Variants in ATP10D observed in about 807,000 individuals in gnomAD.
The protein encoded by ATP10D is phospholipid-transporting ATPase VD.
ATP10D carries 89 observed loss-of-function variants against 144.8 expected under a neutral mutation model. The ratio of observed to expected loss-of-function variants is 0.61; its 90% CI spans 0.52 to 0.73. The LOEUF (loss-of-function observed/expected upper bound fraction) is 0.73. ATP10D is among the 30% of genes least tolerant of loss of function. The pLI, the probability that ATP10D is intolerant of heterozygous loss-of-function variation, is 0.00. For missense variants in ATP10D, 1,603 were observed against 1,714.8 expected (o/e 0.93, Z 1.15); for synonymous variants, 571 against 615.1 (o/e 0.93, Z 1.06).
chr4:47,579,919 A>T (rs1011749801), intron 19 of ATP10D, among the ~76,000 whole-genome samples: 2 of 152,218 alleles, frequency 1.3e-5, no homozygotes, highest in African/African-American at 4.8e-5. Context: ...TAAATGGGAA[A>T]TGGGTTTAAA....
chr4:47,511,327 G>A (rs1489257394), intron 1 of ATP10D, among the ~76,000 whole-genome samples: 1 of 152,024 alleles, frequency 6.6e-6, no homozygotes, highest in African/African-American at 2.4e-5. Flanking sequence ...AACCGATGAG[G>A]CTGACATGAA....
At chr4:47,548,048 CTATTT>C (rs1472684234) in intron 10 of ATP10D, among the ~76,000 whole-genome samples, 5 of 152,034 alleles carry the variant, frequency 3.3e-5, no homozygotes, top group Non-Finnish European at 7.4e-5. Context: ...ATATTTTCTT[CTATTT>C]TATCTTTTTA....
chr4:47,539,294 G>A (rs910092010), intron 9 of ATP10D, among the ~76,000 whole-genome samples: 3 of 152,134 alleles, frequency 2.0e-5, no homozygotes, highest in African/African-American at 7.2e-5. Context: ...TAACCTGTGA[G>A]TGTAAGGGGT....
chr4:47,553,186 T>C (rs942439541), intron 10 of ATP10D, among the ~76,000 whole-genome samples: 6 of 152,220 alleles, frequency 3.9e-5, no homozygotes, highest in Admixed American at 1.3e-4. Flanking sequence ...CTATTGACTT[T>C]GGCAAGGAGG....
intron 16 of ATP10D, among the ~76,000 whole-genome samples, chr4:47,570,649 C>T (rs1000187872): frequency 1.4e-4 from 21 of 151,964 alleles, no homozygotes; most frequent in African/African-American, 2.7e-4. Context: ...ACTACAAACA[C>T]GAAACTTGGC....
intron 14 of ATP10D, among the ~76,000 whole-genome samples, 168 bp downstream of exon 14, chr4:47,561,243 C>T (rs1194210535): frequency 1.3e-5 from 2 of 152,120 alleles, no homozygotes; most frequent in Non-Finnish European, 1.5e-5. Context: ...TTCTGTTGTC[C>T]ACTGCAGTGA....
intron 1 of ATP10D, among the ~76,000 whole-genome samples, chr4:47,492,739 AAATT>A (rs1445233459): frequency 6.6e-6 from 1 of 152,158 alleles, no homozygotes; most frequent in Non-Finnish European, 1.5e-5. Context: ...TACATTTTCG[AAATT>A]AATTAAATCT....
At chr4:47,554,618 A>G (rs1444303170) in intron 10 of ATP10D, 108 bp from the exon 11 acceptor site, 9 of 838,966 alleles carry the variant, frequency 1.1e-5, no homozygotes, top group Non-Finnish European at 1.6e-5. Context: ...AAAGTTTACC[A>G]TCTCATGATT....
intron 18 of ATP10D, among the ~76,000 whole-genome samples, chr4:47,574,926 G>C (rs1283625400): frequency 6.6e-6 from 1 of 151,956 alleles, no homozygotes; most frequent in Non-Finnish European, 1.5e-5. Context: ...TCAGCCTCCT[G>C]AGAAGCTGGG....
At chr4:47,537,918 A>T (rs187357129) in intron 9 of ATP10D, among the ~76,000 whole-genome samples, 1 of 152,324 alleles carries the variant, frequency 6.6e-6, no homozygotes. Flanking sequence ...AAGAAGATAG[A>T]TAAACAAGAT....
Position 47,557,869 on chromosome 4 carries a change from C to T in ATP10D, c.2030C>T (p.Ser677Phe). Reference sequence around the variant, plus strand: ...GCTTCACCTGTGGAGGAAGAGGTCTCCCAGGTGTGTGAGAGCCCCCAGTGC... The same window carrying T: ...GCTTCACCTGTGGAGGAAGAGGTCTTCCAGGTGTGTGAGAGCCCCCAGTGC... ...KPASPVEEEV[S>F]QVCESPQCSS... is the part of the protein sequence containing the mutation. The change falls in exon 12 of 23, where the codon TCC becomes TTC. Residue 677 changes from serine (S) to phenylalanine (F), a missense_variant. Ser to Phe is a radical substitution (Grantham distance 155). Coordinates refer to ENST00000273859, the MANE Select transcript of ATP10D (RefSeq NM_020453.4). 1 of 1,614,174 alleles carries T rather than the reference C, an allele frequency of 6.2e-7. No individual in the cohort carries two copies. Among genetic ancestry groups the T allele is most frequent in the South Asian group, 1.1e-5 (1 of 91,080 alleles).
At chr4:47,536,392 G>A (rs1490262895) in intron 7 of ATP10D, 45 bp from the exon 8 acceptor site, 5 of 1,597,658 alleles carry the variant, frequency 3.1e-6, no homozygotes, top group Non-Finnish European at 1.7e-6. Context: ...TTGTTTGCAT[G>A]CCATATATTT....
intron 13 of ATP10D, among the ~76,000 whole-genome samples, chr4:47,560,525 A>C (rs975880045): frequency 4.6e-5 from 7 of 152,202 alleles, no homozygotes; most frequent in South Asian, 2.1e-4. Context: ...AACAAAAAAA[A>C]CATCAAAAGG....
At chr4:47,544,771 A>G (rs745926012) in intron 9 of ATP10D, among the ~76,000 whole-genome samples, 4 of 152,192 alleles carry the variant, frequency 2.6e-5, no homozygotes, top group Non-Finnish European at 4.4e-5. Flanking sequence ...GAATGTGCAA[A>G]CATTCTTCAC....
chr4:47,585,641 C>A (rs1720748590), intron 21 of ATP10D, among the ~76,000 whole-genome samples: 1 of 152,094 alleles, frequency 6.6e-6, no homozygotes, highest in African/African-American at 2.4e-5. Context: ...CCCCTGATAC[C>A]TCCACTACCC....
At chr4:47,576,069 C>T (rs921036889) in intron 18 of ATP10D, among the ~76,000 whole-genome samples, 30 of 150,362 alleles carry the variant, frequency 2.0e-4, no homozygotes, top group African/African-American at 7.1e-4. Context: ...GTAGCTGGGA[C>T]TACAGGCGCC....
rs1052695367 is a variant in ATP10D, at chr4:47,516,805, C to T, written c.485+1135C>T. On this transcript the variant is annotated intron_variant, in intron 3 of 22. Coordinates refer to ENST00000273859, the MANE Select transcript of ATP10D (RefSeq NM_020453.4). Reference sequence around the variant, plus strand: ...CAGTCTAAACGAAACCAGAAAAACACATGTGTTGTATTTTAAAATGAAATA... The same window carrying T: ...CAGTCTAAACGAAACCAGAAAAACATATGTGTTGTATTTTAAAATGAAATA... Among the ~76,000 whole-genome samples the T allele has an allele frequency of 3.3e-5, 5 of 152,060 alleles. No homozygotes were observed. In the South Asian group the frequency reaches 8.3e-4, roughly 25 times the overall value.
At chr4:47,573,137 CT>C in intron 18 of ATP10D, 140 bp downstream of exon 18, 3 of 1,040,854 alleles carry the variant, frequency 2.9e-6, no homozygotes, top group Non-Finnish European at 4.1e-6. Flanking sequence ...GTCTTGCTGT[CT>C]TTCCAGAACT....
intron 1 of ATP10D, among the ~76,000 whole-genome samples, chr4:47,503,986 G>T (rs1438208062): frequency 1.3e-5 from 2 of 152,140 alleles, no homozygotes; most frequent in Admixed American, 1.3e-4. Context: ...ACCCTTGCCT[G>T]ACTTTTTGTA....
Sources: gnomAD v4.1 joint callset for allele counts (sites outside exome capture counted in the v4.1 genomes callset) on GRCh38, gnomAD v4.1.1 for gene constraint, MANE v1.5 for transcripts, NCBI Gene and HGNC (gene_info 2026-07-23, HGNC 2026-07-21) for gene names.